Variants in NUP153 observed in about 807,000 individuals in gnomAD.
NUP153 encodes the protein nuclear pore complex protein Nup153.
Under a neutral mutation model 134.6 loss-of-function variants are expected in NUP153, and 27 were observed. That is an observed-to-expected ratio of 0.20 (90% CI 0.15 to 0.28). The LOEUF (loss-of-function observed/expected upper bound fraction) is 0.28. NUP153 is among the 10% of genes least tolerant of loss of function. The pLI, the probability that NUP153 is intolerant of heterozygous loss-of-function variation, is 1.00. For synonymous variants in NUP153, 640 were observed against 623.5 expected, an observed-to-expected ratio of 1.03 and a Z score of -0.40; for missense variants, 1,821 against 1,731.3, an observed-to-expected ratio of 1.05 and a Z score of -0.92.
intron 11 of NUP153, among the ~76,000 whole-genome samples, chr6:17,655,930 C>T (rs530976660): frequency 9.2e-5 from 14 of 152,228 alleles, no homozygotes; most frequent in South Asian, 4.1e-4. Context: ...TAGGGCTGGG[C>T]GCAGTGGTTC....
At chr6:17,656,075 T>C (rs1247982214) in intron 11 of NUP153, among the ~76,000 whole-genome samples, 5 of 151,864 alleles carry the variant, frequency 3.3e-5, no homozygotes, top group Admixed American at 3.3e-4. Flanking sequence ...CATGGTGGCG[T>C]ACGCTTGTAA....
chr6:17,696,860 G>A (rs573376171), intron 1 of NUP153, among the ~76,000 whole-genome samples: 2 of 152,164 alleles, frequency 1.3e-5, no homozygotes, highest in African/African-American at 4.8e-5. Flanking sequence ...ATCACTTGAG[G>A]TCAGGAGTTT....
intron 15 of NUP153, 147 bp downstream of exon 15, chr6:17,639,792 G>C: frequency 1.6e-6 from 1 of 638,734 alleles, no homozygotes; most frequent in East Asian, 3.0e-5. Flanking sequence ...TCCAGCAAAA[G>C]AATTACACCT....
intron 1 of NUP153, among the ~76,000 whole-genome samples, chr6:17,699,102 G>A (rs1228603670): frequency 6.6e-6 from 1 of 152,096 alleles, no homozygotes; most frequent in Non-Finnish European, 1.5e-5. Flanking sequence ...GTATGTGTCA[G>A]CAAGACTTGA....
chr6:17,639,964 A>C lies in NUP153; in HGVS notation c.1821T>G (p.Ser607Arg), dbSNP rs1314352874. 1.2e-6 allele frequency: 2 copies of C among 1,611,002 alleles called. No individual in the cohort carries two copies. The highest frequency in any genetic ancestry group is 3.4e-5 in the Admixed American group (2 of 59,354). ...CAGGGCTTTTCAGAATATCTAGAAC[A>C]CTTCCTTCTTTCAGGATTTCTGCAG... Reference protein sequence around the residue: ...FRPAEILKEGSVLDILKSPGF... With the variant: ...FRPAEILKEGRVLDILKSPGF... The change falls in exon 15 of 22, where the codon AGT (serine) becomes AGG (arginine). Residue 607 changes from serine (S) to arginine (R), a missense_variant. By Grantham distance (110) the Ser-to-Arg change is moderately radical (BLOSUM62 -1). Coordinates refer to ENST00000262077, the MANE Select transcript of NUP153 (RefSeq NM_005124.4).
At chr6:17,637,830 T>C (rs1279924795) in intron 15 of NUP153, 60 bp from the exon 16 acceptor site, 3 of 1,511,146 alleles carry the variant, frequency 2.0e-6, no homozygotes, top group Non-Finnish European at 1.8e-6. Flanking sequence ...AAAGCATTAA[T>C]TTGATTATTA....
intron 18 of NUP153, among the ~76,000 whole-genome samples, 196 bp from the exon 19 acceptor site, chr6:17,626,360 T>G (rs1764949320): frequency 6.6e-6 from 1 of 152,242 alleles, no homozygotes; most frequent in South Asian, 2.1e-4. Context: ...CATCTTCTTT[T>G]ATAGCTTATG....
chr6:17,633,018 A>T (rs1420405847), intron 16 of NUP153, among the ~76,000 whole-genome samples, 174 bp from the exon 17 acceptor site: 3 of 152,098 alleles, frequency 2.0e-5, no homozygotes, highest in African/African-American at 4.8e-5. Context: ...TACATTGTTT[A>T]AAAAAAAGAA....
rs1767769136 is a variant in NUP153 at position 17,669,533 on chromosome 6, C to A, written c.866G>T (p.Arg289Ile). 6.2e-7 allele frequency: 1 copy of A among 1,611,110 alleles called. No individual in the cohort carries two copies. Among genetic ancestry groups the A allele is most frequent in the African/African-American group, 1.3e-5 (1 of 74,880 alleles). The change falls in exon 6 of 22, where the codon AGA (arginine) becomes ATA (isoleucine). Residue 289 changes from arginine (R) to isoleucine (I), a missense_variant. Arg to Ile is a moderately conservative substitution (Grantham distance 97). Coordinates refer to ENST00000262077, the MANE Select transcript of NUP153 (RefSeq NM_005124.4). Reference sequence around the variant, plus strand: ...ACTGAGTTGCTTAGCTTTCATTTGTCTTCTAACTGGTGCCTGTAAAGTAAA... The same window carrying A: ...ACTGAGTTGCTTAGCTTTCATTTGTATTCTAACTGGTGCCTGTAAAGTAAA... ...RNTPYQAPVR[R>I]QMKAKQLSAQ... is the part of the protein sequence containing the mutation.
In NUP153 at chr6:17,649,118, TAAGA is replaced by T. The variant is rs551785682; in HGVS notation, c.1533+41_1533+44del. 528 of 1,522,148 alleles carry T rather than the reference TAAGA, an allele frequency of 3.5e-4. 3 individuals carry two copies. The South Asian group carries it at 5.2e-3, about 15-fold the overall frequency. The allele number at this position is 1,522,148 out of a possible 1,614,324, so 94.3% of individuals were successfully genotyped here. On this transcript the variant is annotated intron_variant, in intron 12 of 21. Transcript: ENST00000262077. ...ATAGGGTTTTTTTTAAATAAAGAAT[TAAGA>T]AAGAACAAATGTCACCTGTATTTAT...
rs773944419 is a variant in NUP153 at position 17,625,554 on chromosome 6, A to G, written c.3901+254T>C. ...CGAAAGAAAACAAAAACAAAAAACA[A>G]AGCTTAGAAAAATTAAGTATTACAC... On this transcript the variant is annotated intron_variant, in intron 19 of 21. Coordinates refer to ENST00000262077, the MANE Select transcript of NUP153 (RefSeq NM_005124.4). The surrounding 1 kb of genome is among the most constrained non-coding windows in gnomAD (Gnocchi z 4.7). Among the ~76,000 whole-genome samples, 22 of 152,076 alleles carry G rather than the reference A, an allele frequency of 1.4e-4. No individual in the cohort carries two copies. The highest frequency in any genetic ancestry group is 2.5e-4 in the Non-Finnish European group (17 of 68,010).
rs373519975 is a variant in NUP153 at position 17,637,777 on chromosome 6, T to A, written c.1847-7A>T. 1.3e-5 allele frequency: 20 copies of A among 1,589,370 alleles called. No individual in the cohort carries two copies. In the African/African-American group the frequency reaches 2.6e-4, roughly 20 times the overall value. On this transcript the variant is annotated splice_polypyrimidine_tract_variant and splice_region_variant and intron_variant, in intron 15 of 21. Coordinates refer to ENST00000262077, the MANE Select transcript of NUP153 (RefSeq NM_005124.4). ...ATCTTCGGCGATGCGAAACCTACAA[T>A]GAACGAAGGAGAGAGTGCAACGTTA... is the stretch of plus-strand genomic sequence containing the variant.
At chr6:17,616,785 T>C (rs372785560) in intron 20 of NUP153, 90 bp from the exon 21 acceptor site, 54 of 1,273,704 alleles carry the variant, frequency 4.2e-5, no homozygotes, top group East Asian at 3.4e-4. Flanking sequence ...AGTCTCGCTC[T>C]CTTGCCCAGG....
At chr6:17,664,289 ACT>A (rs1767380892) in intron 9 of NUP153, among the ~76,000 whole-genome samples, 1 of 152,286 alleles carries the variant, frequency 6.6e-6, no homozygotes, top group African/African-American at 2.4e-5. Flanking sequence ...CAGTTGAACA[ACT>A]CACAGACACC....
intron 8 of NUP153, among the ~76,000 whole-genome samples, chr6:17,668,372 A>G (rs911108454): frequency 4.6e-5 from 7 of 151,444 alleles, no homozygotes; most frequent in African/African-American, 1.7e-4. Context: ...AAGCCACCGC[A>G]CCTGGCCGAT....
intron 8 of NUP153, among the ~76,000 whole-genome samples, chr6:17,668,232 C>T (rs1399260071): frequency 1.3e-5 from 2 of 151,606 alleles, no homozygotes; most frequent in Admixed American, 6.6e-5. Flanking sequence ...CGCACCGCCA[C>T]ACCTGGCTAA....
In NUP153 at chr6:17,638,136, T is replaced by C. The variant is rs1765658186; in HGVS notation, c.1847-366A>G. 6.6e-6 allele frequency among the ~76,000 whole-genome samples: 1 copy of C among 152,242 alleles called. No homozygotes were observed. The highest frequency in any genetic ancestry group is 6.5e-5 in the Admixed American group (1 of 15,286). Reference sequence around the variant, plus strand: ...TACTCGCAGTCCTCTTTCTCCTTCATCCATTTCTTCTTTTAAGTGTTCCAT... The same window carrying C: ...TACTCGCAGTCCTCTTTCTCCTTCACCCATTTCTTCTTTTAAGTGTTCCAT... On this transcript the variant is annotated intron_variant, in intron 15 of 21. Transcript: ENST00000262077. This position sits in a 1 kb window ranked among gnomAD's most constrained non-coding sequence, Gnocchi z 4.0.
intron 2 of NUP153, among the ~76,000 whole-genome samples, chr6:17,677,382 T>C (rs1389246844): frequency 6.7e-6 from 1 of 150,026 alleles, no homozygotes; most frequent in Non-Finnish European, 1.5e-5. Context: ...ACTCAATGTA[T>C]AGAAAAAAGA....
chr6:17,646,203 A>C, intron 13 of NUP153, 49 bp from the exon 14 acceptor site: 1 of 992,596 alleles, frequency 1.0e-6, no homozygotes, highest in Non-Finnish European at 1.6e-6. Context: ...TAAGTATCAA[A>C]TATAGAGCTT....
Sources: allele counts gnomAD v4.1 joint callset (sites outside exome capture counted in the v4.1 genomes callset), GRCh38; gene constraint gnomAD v4.1.1; non-coding constraint Gnocchi (gnomAD v3.1); transcripts MANE v1.5; gene names NCBI Gene and HGNC (gene_info 2026-07-23, HGNC 2026-07-21).